Variants in SPTBN5 observed in about 807,000 individuals in gnomAD.
SPTBN5 encodes the protein spectrin beta, non-erythrocytic 5.
SPTBN5 carries 513 observed loss-of-function variants against 477.6 expected under a neutral mutation model. The ratio of observed to expected loss-of-function variants is 1.07; its 90% confidence interval spans 1.00 to 1.16. SPTBN5 has a LOEUF of 1.16. Among genes scored for constraint, SPTBN5 ranks in the 50% most tolerant of loss-of-function variants. The probability of loss-of-function intolerance (pLI) is 0.00; values close to 1 mark genes in which losing one functional copy is unlikely to be tolerated. For missense variants in SPTBN5, 5,062 were observed against 4,731.8 expected (o/e 1.07, Z -2.05); for synonymous variants, 2,169 against 2,011.7 (o/e 1.08, Z -2.09).
intron 4 of SPTBN5, among the ~76,000 whole-genome samples, chr15:41,889,831 C>CA (rs1595518196): frequency 6.6e-6 from 1 of 152,218 alleles, no homozygotes; most frequent in Non-Finnish European, 1.5e-5. Context: ...CTGAACCCCC[C>CA]ACTAGTGAAT....
rs1347271539 is a variant in SPTBN5 at position 41,868,499 on chromosome 15, G to C, written c.5956C>G (p.Gln1986Glu). Residue 1986 changes from glutamine (Q) to glutamate (E), a missense_variant, in exon 33 of 68, where the codon CAG becomes GAG. Gln to Glu is a conservative substitution (Grantham distance 29, BLOSUM62 2). Coordinates refer to ENST00000320955, the MANE Select transcript of SPTBN5 (RefSeq NM_016642.4). ...GCCTCCAGCTCCGCCCGGAGCCACT[G>C]GTGGGCACTGAGCTTCAGCGGGCCA... ...SSGPLKLSAHQWLRAELEARE... is the reference protein window; with the variant it reads ...SSGPLKLSAHEWLRAELEARE... 1.2e-6 allele frequency: 2 copies of C among 1,611,214 alleles called. No homozygotes were observed. Among genetic ancestry groups the C allele is most frequent in the Non-Finnish European group, 1.7e-6 (2 of 1,179,798 alleles).
At chr15:41,864,601 ACTGT>A (rs1405892033) in intron 39 of SPTBN5, among the ~76,000 whole-genome samples, 1 of 152,230 alleles carries the variant, frequency 6.6e-6, no homozygotes, top group Non-Finnish European at 1.5e-5. Flanking sequence ...AGCGTGAGCC[ACTGT>A]GCCCAGCCAC....
rs758580623 is a variant in SPTBN5 at position 41,868,574 on chromosome 15, G to A, written c.5881C>T (p.Arg1961Cys). 2.2e-5 allele frequency: 35 copies of A among 1,600,868 alleles called. No individual in the cohort carries two copies. The highest frequency in any genetic ancestry group is 9.3e-5 in the African/African-American group (7 of 75,016). Residue 1961 changes from arginine (R) to cysteine (C), a missense_variant, in exon 33 of 68, where the codon CGC becomes TGC. Transcript: ENST00000320955. ...TCCACCTGCAGGTCCTGGCGCACGC[G>A]GGCTGCCCAGGAGGCATAGTCACGC... ...AVRDYASWAA[R>C]VRQDLQVEES...
intron 11 of SPTBN5, 32 bp downstream of exon 11, chr15:41,882,237 G>A (rs774516777): frequency 3.6e-5 from 13 of 357,942 alleles, no homozygotes; most frequent in East Asian, 1.5e-4. Flanking sequence ...GCCGGGCCCC[G>A]CCCCCACCCC....
Position 41,888,015 on chromosome 15 carries a change from G to A in SPTBN5, c.572C>T (p.Thr191Ile), listed in dbSNP as rs921424791. Residue 191 changes from threonine to isoleucine, a missense_variant, in exon 5 of 68, where the codon ACA becomes ATA. Physicochemically the swap from Thr to Ile is moderately conservative, Grantham distance 89. Coordinates refer to ENST00000320955, the MANE Select transcript of SPTBN5 (RefSeq NM_016642.4). ...EALLVWCQRK[T>I]ASYTNVNITD... ...AATGTTCACGTTGGTGTAGCTGGCT[G>A]TCTTCCGCTGGCACCAGACCAGCAG... 1 of 1,595,714 alleles carries A rather than the reference G, an allele frequency of 6.3e-7. No individual in the cohort carries two copies.
rs776933449 is a variant in SPTBN5 at position 41,852,983 on chromosome 15, C to T, written c.10188G>A (p.Gln3396=). The T allele has an allele frequency of 4.5e-6, 7 of 1,547,338 alleles. No individual in the cohort carries two copies. In the Admixed American group the frequency reaches 1.4e-4, roughly 31 times the overall value. The change falls in exon 60 of 68, where the codon CAG becomes CAA. Residue 3396 remains glutamine (Q), a synonymous_variant. Coordinates refer to ENST00000320955, the MANE Select transcript of SPTBN5 (RefSeq NM_016642.4). ...GCTCCTGCAGCCGCCCTTCCAGCTC[C>T]TGCAGGCACTCTGTCACCTGGTGGG... ...FMSAEVTECL[Q]ELEGRLQELE... is the part of the protein sequence containing the mutation.
chr15:41,893,676 G>C, intron 1 of SPTBN5, 130 bp from the exon 2 acceptor site: 1 of 1,179,872 alleles, frequency 8.5e-7, no homozygotes. Context: ...CCAGGTAAGG[G>C]CCAGTGCTTC....
chr15:41,858,414 CT>C (rs915737790), intron 49 of SPTBN5, among the ~76,000 whole-genome samples, 187 bp downstream of exon 49: 2 of 152,246 alleles, frequency 1.3e-5, no homozygotes, highest in African/African-American at 2.4e-5. Flanking sequence ...GGTGCCCCCC[CT>C]GCCCGCCGGA....
rs548461931 is a variant in SPTBN5, at chr15:41,853,753, C to T, written c.9809G>A (p.Arg3270Gln). The T allele has an allele frequency of 1.3e-5, 21 of 1,578,196 alleles. 1 individual carries two copies. Among genetic ancestry groups the T allele is most frequent in the Admixed American group, 5.4e-5 (3 of 55,158 alleles). Residue 3270 changes from arginine to glutamine, a missense_variant, in exon 58 of 68, where the codon CGG becomes CAG. Transcript: ENST00000320955. ...ELEAMEKEVA[R>Q]LQTEACRLGQ... Reference sequence around the variant, plus strand: ...CAGTCGGCAGGCCTCCGTCTGTAGCCGTGCCACCTCCTTCTCCATAGCTTC... The same window carrying T: ...CAGTCGGCAGGCCTCCGTCTGTAGCTGTGCCACCTCCTTCTCCATAGCTTC...
rs1163702985 is a variant in SPTBN5 at position 41,887,794 on chromosome 15, C to T, written c.659+134G>A. ...AGGGAAGGGAAAGGGGCTAACCCAT[C>T]AGCCCTTTCTACATCTGTGTCCACT... On this transcript the variant is annotated intron_variant, in intron 5 of 67. Coordinates refer to ENST00000320955, the MANE Select transcript of SPTBN5 (RefSeq NM_016642.4). 33 of 915,564 alleles carry T rather than the reference C, an allele frequency of 3.6e-5. 2 individuals are homozygous for T. In the South Asian group the frequency reaches 5.5e-4, roughly 15 times the overall value. The allele number at this position is 915,564 out of a possible 1,614,324, so 56.7% of individuals were successfully genotyped here. A position where few individuals can be genotyped will look rare whatever the true frequency, so the allele number is the denominator to read the frequency against.
chr15:41,867,516 C>T, intron 35 of SPTBN5, 22 bp downstream of exon 35: 1 of 1,610,122 alleles, frequency 6.2e-7, no homozygotes, highest in Middle Eastern at 1.7e-4. Flanking sequence ...CTGACCACGC[C>T]CAGGCCTCCT....
chr15:41,861,840 G>A lies in SPTBN5; in HGVS notation c.7632C>T (p.Ser2544=). Residue 2544 remains serine (S), a synonymous_variant, in exon 45 of 68, where the codon AGC becomes AGT. Coordinates refer to ENST00000320955, the MANE Select transcript of SPTBN5 (RefSeq NM_016642.4). The part of the protein sequence containing the change: ...QQLLTAGHPF[S]SDIRQVLAGL... The stretch of plus-strand genomic sequence containing the variant: ...CAGCCAGCACCTGGCGAATGTCGGA[G>A]CTGAAGGGGTGCCCCGCTGTGAGCA... 2 of 1,606,614 alleles carry A rather than the reference G, an allele frequency of 1.2e-6. No individual in the cohort carries two copies. Among genetic ancestry groups the A allele is most frequent in the South Asian group, 2.2e-5 (2 of 90,380 alleles).
intron 7 of SPTBN5, among the ~76,000 whole-genome samples, chr15:41,883,793 CT>C (rs11296254): frequency 0.058 from 8,406 of 146,158 alleles, 756 homozygotes; most frequent in African/African-American, 0.2. Context: ...AGACTAAAAT[CT>C]TTTTTTTTTT....
Position 41,853,578 on chromosome 15 carries a change from C to T in SPTBN5, c.9980+4G>A. The T allele has an allele frequency of 6.4e-7, 1 of 1,568,168 alleles. No individual in the cohort carries two copies. Among genetic ancestry groups the T allele is most frequent in the Non-Finnish European group, 8.7e-7 (1 of 1,153,498 alleles). On this transcript the variant is annotated splice_donor_region_variant and intron_variant, in intron 58 of 67. Transcript: ENST00000320955. ...TGAGCCGGCAGCTGAGGTAGGACAC[C>T]TACAGCAGTTCCTGGCAGCGCCCGA...
Position 41,869,955 on chromosome 15 carries a change from CG to C in SPTBN5, c.5738del (p.Ala1913GlyfsTer9). 6.5e-7 allele frequency: 1 copy of C among 1,549,270 alleles called. No homozygotes were observed. Among genetic ancestry groups the C allele is most frequent in the Non-Finnish European group, 8.7e-7 (1 of 1,145,372 alleles). The part of the protein sequence containing the change: ...QKLCPGPQAH[A>X]VQQRQQAVTQ... Reference sequence around the variant, plus strand: ...TCACAGCTTGCTGCCTCTGCTGCACCGCATGGGCCTGAGGCCCCGGACACAG... The same window carrying C: ...TCACAGCTTGCTGCCTCTGCTGCACCCATGGGCCTGAGGCCCCGGACACAG... On this transcript the variant is annotated frameshift_variant, in exon 32 of 68. Transcript: ENST00000320955. LOFTEE classifies it high-confidence loss of function.
In SPTBN5 at chr15:41,874,932, A is replaced by T. The variant is rs1279119697; in HGVS notation, c.4412T>A (p.Leu1471Gln). Residue 1471 changes from leucine to glutamine, a missense_variant, in exon 23 of 68, where the codon CTG becomes CAG. Coordinates refer to ENST00000320955, the MANE Select transcript of SPTBN5 (RefSeq NM_016642.4). The stretch of plus-strand genomic sequence containing the variant: ...GGCGAGGGCAGCCATCTTGGCAGCC[A>T]GGGTCCGGCTCTCACTCTCCAGCTG... ...HQQLESESRT[L>Q]AAKMAALASM... 36 of 1,613,352 alleles carry T rather than the reference A, an allele frequency of 2.2e-5. No homozygotes were observed. The highest frequency in any genetic ancestry group is 3.1e-5 in the Non-Finnish European group (36 of 1,179,860).
In SPTBN5 at chr15:41,891,853, G is replaced by A. The variant is rs111394135; in HGVS notation, c.384+1041C>T. On this transcript the variant is annotated intron_variant, in intron 3 of 67. Coordinates refer to ENST00000320955, the MANE Select transcript of SPTBN5 (RefSeq NM_016642.4). ...TTTCTAGACCACAGTTGCCTCCTAT[G>A]TGTATGGAGACAAGGATGTCACCCT... Among the ~76,000 whole-genome samples, 1,296 of 152,290 alleles carry A rather than the reference G, an allele frequency of 8.5e-3. 22 individuals are homozygous for A. The highest frequency in any genetic ancestry group is 0.029 in the African/African-American group (1,207 of 41,540).
At chr15:41,872,062 A>C (rs1449243420) in intron 27 of SPTBN5, 145 bp from the exon 28 acceptor site, 5 of 1,170,678 alleles carry the variant, frequency 4.3e-6, no homozygotes, top group Non-Finnish European at 5.8e-6. Context: ...GGAGTAGTAG[A>C]CACAGCAGTG....
In SPTBN5 at chr15:41,855,585, G is replaced by C. The variant is rs755342370; in HGVS notation, c.9182C>G (p.Thr3061Arg). 6.2e-7 allele frequency: 1 copy of C among 1,612,096 alleles called. No individual in the cohort carries two copies. The highest frequency in any genetic ancestry group is 1.7e-5 in the Admixed American group (1 of 60,004). The change falls in exon 54 of 68, where the codon ACA becomes AGA. Residue 3061 changes from threonine to arginine, a missense_variant. Thr to Arg is a moderately conservative substitution (Grantham distance 71). Coordinates refer to ENST00000320955, the MANE Select transcript of SPTBN5 (RefSeq NM_016642.4). Reference protein sequence around the residue: ...FSPRIERLQQTAALLESRKNP... With the variant: ...FSPRIERLQQRAALLESRKNP... ...CTTCCTGCTCTCCAGGAGTGCTGCT[G>C]TCTGCTGCAGCCGCTCGATGCGTGG...
Sources: allele counts gnomAD v4.1 joint callset (sites outside exome capture counted in the v4.1 genomes callset), GRCh38; gene constraint gnomAD v4.1.1; transcripts MANE v1.5; gene names NCBI Gene and HGNC (gene_info 2026-07-23, HGNC 2026-07-21).